Variants in DGKB observed in about 807,000 individuals in gnomAD.
DGKB encodes diacylglycerol kinase beta.
A neutral mutation model predicts 114.3 loss-of-function variants in DGKB; 67 were observed. The observed-to-expected ratio is 0.59, with a 90% CI of 0.48 to 0.72. The LOEUF is 0.72. Ranked by LOEUF, DGKB falls within the 30% of genes least tolerant of loss-of-function variation. The pLI, the probability that DGKB is intolerant of heterozygous loss-of-function variation, is 0.00. For missense variants in DGKB, 907 were observed against 975.2 expected (o/e 0.93, Z 0.93); for synonymous variants, 398 against 323.1 (o/e 1.23, Z -2.49).
At chr7:14,904,481 G>A (rs1167714958), upstream of DGKB, among the ~76,000 whole-genome samples, 1 of 152,060 alleles carries the variant, frequency 6.6e-6, no homozygotes, top group Admixed American at 6.6e-5. Flanking sequence ...GACCCAGAAG[G>A]AAGAAAATAA....
chr7:14,803,458 A>G (rs1842427590), intron 2 of DGKB, among the ~76,000 whole-genome samples: 1 of 152,156 alleles, frequency 6.6e-6, no homozygotes, highest in Non-Finnish European at 1.5e-5. Context: ...AGTGATTACA[A>G]TGTAACTAAA....
At position 14,918,027 on chromosome 7, in the gene DGKB, C is replaced by T. The variant is rs140967984; in HGVS notation, c.-188+56669G>A. Reference sequence around the variant, plus strand: ...ATTATACGATCATATTAATTGATACCGAAAAAGCATTTGCCAAAATTCAAC... The same window carrying T: ...ATTATACGATCATATTAATTGATACTGAAAAAGCATTTGCCAAAATTCAAC... On this transcript the variant is annotated intron_variant, in intron 1 of 4. Transcript: ENST00000437998. 5.4e-3 allele frequency among the ~76,000 whole-genome samples: 813 copies of T among 151,960 alleles called. 7 individuals carry two copies. Among genetic ancestry groups the T allele is most frequent in the African/African-American group, 0.019 (773 of 41,474 alleles).
intron 5 of DGKB, among the ~76,000 whole-genome samples, chr7:14,719,116 CATA>C (rs776704381): frequency 1.4e-4 from 22 of 152,146 alleles, no homozygotes; most frequent in Non-Finnish European, 2.9e-4. Context: ...TTTCTCTATT[CATA>C]ATAAGTAATC....
chr7:14,827,653 A>G (rs1475772489), intron 2 of DGKB, among the ~76,000 whole-genome samples: 1 of 152,096 alleles, frequency 6.6e-6, no homozygotes, highest in Non-Finnish European at 1.5e-5. Context: ...CTTATCCCTT[A>G]TTTATTGTGC....
chr7:14,530,790 T>G (rs997536062), intron 20 of DGKB, among the ~76,000 whole-genome samples: 1 of 151,636 alleles, frequency 6.6e-6, no homozygotes, highest in African/African-American at 2.4e-5. Flanking sequence ...ACTAATTCGT[T>G]GTTCTTGTAT....
chr7:14,325,603 T>A (rs1412620550), intron 23 of DGKB, among the ~76,000 whole-genome samples: 1 of 152,150 alleles, frequency 6.6e-6, no homozygotes, highest in East Asian at 1.9e-4. Context: ...ACATCATCAA[T>A]CAAAGCTGGA....
At chr7:14,416,043 G>C (rs530485749) in intron 21 of DGKB, among the ~76,000 whole-genome samples, 223 of 152,142 alleles carry the variant, frequency 1.5e-3, no homozygotes, top group Middle Eastern at 3.4e-3. Flanking sequence ...ATTTTTTCAT[G>C]TGTTTTTTGG....
intron 21 of DGKB, among the ~76,000 whole-genome samples, chr7:14,380,474 A>T (rs1819258329): frequency 6.6e-6 from 1 of 152,172 alleles, no homozygotes; most frequent in African/African-American, 2.4e-5. Flanking sequence ...TTTTGGCAAA[A>T]GTTCCATTTA....
intron 2 of DGKB, among the ~76,000 whole-genome samples, chr7:14,812,534 T>C (rs1349303795): frequency 1.3e-5 from 2 of 152,196 alleles, no homozygotes; most frequent in Admixed American, 1.3e-4. Flanking sequence ...AAAGTCATTC[T>C]TCTTTAATAT....
intron 21 of DGKB, among the ~76,000 whole-genome samples, chr7:14,466,547 G>A (rs1009374533): frequency 6.6e-6 from 1 of 151,984 alleles, no homozygotes; most frequent in Admixed American, 6.6e-5. Flanking sequence ...AGATTCACTA[G>A]AGTGTAATTT....
chr7:14,589,138 T>C (rs182278947), intron 17 of DGKB, among the ~76,000 whole-genome samples: 18 of 152,150 alleles, frequency 1.2e-4, no homozygotes, highest in Non-Finnish European at 1.5e-5. Context: ...CGTTGTTTTG[T>C]GGTTTTTGTT....
intron 1 of DGKB, among the ~76,000 whole-genome samples, chr7:14,926,511 T>C (rs1784761176): frequency 6.6e-6 from 1 of 151,404 alleles, no homozygotes; most frequent in South Asian, 2.1e-4. Flanking sequence ...TTTTTTTTTT[T>C]AGTGGTAAGT....
chr7:14,741,653 C>G (rs1024580884), intron 4 of DGKB, among the ~76,000 whole-genome samples: 1 of 152,218 alleles, frequency 6.6e-6, no homozygotes, highest in African/African-American at 2.4e-5. Flanking sequence ...TTTTGTGAAT[C>G]TTCCTTTCTC....
In DGKB at chr7:14,503,526, C is replaced by T. The variant is rs1302645728; in HGVS notation, c.1771-25301G>A. 2.0e-5 allele frequency among the ~76,000 whole-genome samples: 3 copies of T among 151,756 alleles called. No individual in the cohort carries two copies. The East Asian group carries it at 5.8e-4, about 29-fold the overall frequency. On this transcript the variant is annotated intron_variant, in intron 20 of 25. Transcript: ENST00000402815. Reference sequence around the variant, plus strand: ...TAATCATTTAATTATATTGGGAGTACCCTTGAGGCAATAATAGATTCTTAT... The same window carrying T: ...TAATCATTTAATTATATTGGGAGTATCCTTGAGGCAATAATAGATTCTTAT...
intron 23 of DGKB, among the ~76,000 whole-genome samples, chr7:14,305,061 C>T (rs1333631136): frequency 6.6e-6 from 1 of 152,196 alleles, no homozygotes; most frequent in East Asian, 1.9e-4. Context: ...CATATGCATA[C>T]AATGTGTAAT....
At chr7:14,891,631 G>C (rs1781240651) in intron 1 of DGKB, among the ~76,000 whole-genome samples, 2 of 151,422 alleles carry the variant, frequency 1.3e-5, no homozygotes, top group Admixed American at 6.6e-5. Flanking sequence ...TGTGAGTAGA[G>C]AGAAGTAGGG....
At chr7:14,161,037 T>G (rs371719162) in intron 25 of DGKB, among the ~76,000 whole-genome samples, 1 of 152,212 alleles carries the variant, frequency 6.6e-6, no homozygotes, top group African/African-American at 2.4e-5. Flanking sequence ...AAGACATTTA[T>G]GCAGCCAACA....
intron 1 of DGKB, among the ~76,000 whole-genome samples, chr7:14,910,102 G>A (rs1439351967): frequency 6.6e-6 from 1 of 151,626 alleles, no homozygotes; most frequent in East Asian, 1.9e-4. Context: ...CAACTAATTG[G>A]GACTAGTGAC....
At chr7:14,251,717 G>A (rs1795270989) in intron 23 of DGKB, among the ~76,000 whole-genome samples, 1 of 152,066 alleles carries the variant, frequency 6.6e-6, no homozygotes, top group Non-Finnish European at 1.5e-5. Flanking sequence ...TCGTTTGTCT[G>A]GGGAAGTATT....
Sources: allele counts gnomAD v4.1 joint callset (sites outside exome capture counted in the v4.1 genomes callset), GRCh38; gene constraint gnomAD v4.1.1; transcripts MANE v1.5; gene names NCBI Gene and HGNC (gene_info 2026-07-23, HGNC 2026-07-21).